SPATS2: variants seen among roughly 807,000 people sequenced by gnomAD.
The protein encoded by SPATS2 is spermatogenesis-associated serine-rich protein 2.
Under a neutral mutation model 63.7 loss-of-function variants are expected in SPATS2, and 38 were observed. The ratio of observed to expected loss-of-function variants is 0.60; its 90% CI spans 0.46 to 0.78. The LOEUF (loss-of-function observed/expected upper bound fraction) is 0.78. SPATS2 is among the 30% of genes least tolerant of loss of function. The pLI is 0.00. For missense variants in SPATS2, 588 were observed against 666.2 expected, an observed-to-expected ratio of 0.88 and a Z score of 1.29; for synonymous variants, 207 against 232.9, an observed-to-expected ratio of 0.89 and a Z score of 1.01.
intron 4 of SPATS2, among the ~76,000 whole-genome samples, chr12:49,485,506 C>T (rs761323197): frequency 2.0e-5 from 3 of 151,712 alleles, no homozygotes; most frequent in Non-Finnish European, 4.4e-5. Context: ...GGATTACAGG[C>T]GTGCATCATC....
intron 2 of SPATS2, among the ~76,000 whole-genome samples, chr12:49,449,062 GCTGA>G (rs1346143188): frequency 1.3e-5 from 2 of 152,366 alleles, no homozygotes; most frequent in East Asian, 3.9e-4. Flanking sequence ...AGGCAGTAGA[GCTGA>G]CTTTGGCCCT....
chr12:49,400,955 T>G (rs1944594680), intron 2 of SPATS2, among the ~76,000 whole-genome samples: 1 of 152,164 alleles, frequency 6.6e-6, no homozygotes, highest in Non-Finnish European at 1.5e-5. Context: ...CACTGCATCC[T>G]TCAACCTCCC....
At chr12:49,409,450 T>A (rs1159609790) in intron 2 of SPATS2, among the ~76,000 whole-genome samples, 1 of 142,382 alleles carries the variant, frequency 7.0e-6, no homozygotes, top group East Asian at 2.2e-4. Context: ...GGACTACAGG[T>A]GCCCACCACC....
At chr12:49,400,951 A>G (rs1944594567) in intron 2 of SPATS2, among the ~76,000 whole-genome samples, 1 of 152,126 alleles carries the variant, frequency 6.6e-6, no homozygotes, top group Non-Finnish European at 1.5e-5. Flanking sequence ...AGCTCACTGC[A>G]TCCTTCAACC....
intron 2 of SPATS2, among the ~76,000 whole-genome samples, chr12:49,453,019 C>T (rs563942742): frequency 2.0e-5 from 3 of 152,020 alleles, no homozygotes; most frequent in South Asian, 4.2e-4. Flanking sequence ...ATTAGCCGGA[C>T]GTGATGGCGG....
At chr12:49,373,632 A>G (rs966001426) in intron 2 of SPATS2, among the ~76,000 whole-genome samples, 2 of 151,938 alleles carry the variant, frequency 1.3e-5, no homozygotes, top group African/African-American at 2.4e-5. Context: ...TCTGCAAACA[A>G]TTAAAAAATT....
chr12:49,441,469 C>T (rs1330708032), intron 2 of SPATS2, among the ~76,000 whole-genome samples: 1 of 152,152 alleles, frequency 6.6e-6, no homozygotes, highest in African/African-American at 2.4e-5. Context: ...GCTGTCTTCC[C>T]CCTCTTTTAG....
chr12:49,518,710 C>T (rs912093549), intron 10 of SPATS2, among the ~76,000 whole-genome samples: 3 of 152,164 alleles, frequency 2.0e-5, no homozygotes, highest in African/African-American at 7.2e-5. Context: ...GAGGAGACCA[C>T]AAAATCAGAA....
chr12:49,390,080 T>A, intron 2 of SPATS2: 1 of 1,270,234 alleles, frequency 7.9e-7, no homozygotes, highest in African/African-American at 1.5e-5. Context: ...GAATCACTTT[T>A]GAACCTAAGG....
chr12:49,470,604 A>G (rs1946018449), intron 3 of SPATS2, among the ~76,000 whole-genome samples: 1 of 152,208 alleles, frequency 6.6e-6, no homozygotes, highest in African/African-American at 2.4e-5. Context: ...AATCAACTGC[A>G]TTTGCTTCTC....
rs537988315 is a variant in SPATS2 at position 49,435,649 on chromosome 12, T to C, written c.-243-25121T>C. ...CTACTGAATGGTTTCTTTTTTTTTTTTTTTTTTTTTTTTTTAATTGATCAT... is the reference window on the plus strand; with the variant it reads ...CTACTGAATGGTTTCTTTTTTTTTTCTTTTTTTTTTTTTTTAATTGATCAT... On this transcript the variant is annotated intron_variant, in intron 2 of 13. Coordinates refer to ENST00000552918, the MANE Select transcript of SPATS2 (RefSeq NM_023071.4). Among the ~76,000 whole-genome samples, 12 of 99,724 alleles carry C rather than the reference T, an allele frequency of 1.2e-4. No homozygotes were observed. The East Asian group carries it at 1.6e-3, about 13-fold the overall frequency. 65.4% of individuals were successfully genotyped at this position (99,724 alleles called of 152,430 possible).
intron 3 of SPATS2, among the ~76,000 whole-genome samples, chr12:49,480,012 A>G (rs911930150): frequency 1.3e-5 from 2 of 152,316 alleles, no homozygotes; most frequent in South Asian, 4.1e-4. Flanking sequence ...ATATTCTGGG[A>G]GGGATTATAA....
intron 1 of SPATS2, among the ~76,000 whole-genome samples, chr12:49,368,564 C>G (rs1244392018): frequency 6.6e-6 from 1 of 152,178 alleles, no homozygotes; most frequent in African/African-American, 2.4e-5. Flanking sequence ...TGTTCTTGTG[C>G]CATCTGCTAC....
In SPATS2 at chr12:49,514,370, G is replaced by A. The variant is rs141209247; in HGVS notation, c.840-185G>A. The A allele has an allele frequency of 1.4e-3, 789 of 549,626 alleles. 7 individuals are homozygous for A. The highest frequency in any genetic ancestry group is 0.014 in the African/African-American group (706 of 52,176). 34.0% of individuals were successfully genotyped at this position (549,626 alleles called of 1,614,324 possible). On this transcript the variant is annotated intron_variant, in intron 9 of 13. Coordinates refer to ENST00000552918, the MANE Select transcript of SPATS2 (RefSeq NM_023071.4). The stretch of plus-strand genomic sequence containing the variant: ...ATTGGGTCTATTTATTTTATTTATG[G>A]GAAAATCTTAAAATATTCTTTGTTG...
chr12:49,481,522 C>T (rs1384354836), intron 3 of SPATS2, among the ~76,000 whole-genome samples: 1 of 128,856 alleles, frequency 7.8e-6, no homozygotes, highest in African/African-American at 3.1e-5. Context: ...GGCTGGAGTG[C>T]AGTGGCTCAT....
chr12:49,478,595 CA>C (rs1327335772), intron 3 of SPATS2, among the ~76,000 whole-genome samples: 1 of 152,154 alleles, frequency 6.6e-6, no homozygotes, highest in Non-Finnish European at 1.5e-5. Context: ...TAAGAATTGG[CA>C]CTTACATAGG....
Position 49,489,453 on chromosome 12 carries a change from C to A in SPATS2, c.106-12C>A. ...TAATGTTAGAATTAAATGACCCTGTCATCTTTTCCAGATAAATGCGGTACG... is the reference window on the plus strand; with the variant it reads ...TAATGTTAGAATTAAATGACCCTGTAATCTTTTCCAGATAAATGCGGTACG... On this transcript the variant is annotated splice_polypyrimidine_tract_variant and intron_variant, in intron 4 of 13. Coordinates refer to ENST00000552918, the MANE Select transcript of SPATS2 (RefSeq NM_023071.4). 1 of 1,610,378 alleles carries A rather than the reference C, an allele frequency of 6.2e-7. No individual in the cohort carries two copies. The highest frequency in any genetic ancestry group is 1.1e-5 in the South Asian group (1 of 90,724).
At chr12:49,436,821 C>A (rs1189706062) in intron 2 of SPATS2, among the ~76,000 whole-genome samples, 11 of 142,182 alleles carry the variant, frequency 7.7e-5, no homozygotes, top group Admixed American at 4.8e-4. Context: ...GGCAGAGGCG[C>A]CCCTCACCTC....
At chr12:49,386,282 A>G (rs1302038734) in intron 2 of SPATS2, among the ~76,000 whole-genome samples, 1 of 151,956 alleles carries the variant, frequency 6.6e-6, no homozygotes, top group East Asian at 1.9e-4. Context: ...CTCCTGCCTC[A>G]GCCTCCCAGT....
Sources: allele counts gnomAD v4.1 joint callset (sites outside exome capture counted in the v4.1 genomes callset), GRCh38; gene constraint gnomAD v4.1.1; transcripts MANE v1.5; gene names NCBI Gene and HGNC (gene_info 2026-07-23, HGNC 2026-07-21).